Variants in KDM4A observed in about 807,000 individuals in gnomAD.
KDM4A encodes lysine demethylase 4A.
Under a neutral mutation model 127.1 loss-of-function variants are expected in KDM4A, and 23 were observed. The ratio of observed to expected loss-of-function variants is 0.18; its 90% confidence interval spans 0.13 to 0.26. The LOEUF is 0.26. Ranked by LOEUF, KDM4A falls within the 10% of genes least tolerant of loss-of-function variation. The pLI is 1.00. For synonymous variants in KDM4A, 443 were observed against 466.5 expected (o/e 0.95, Z 0.65); for missense variants, 890 against 1,329.1 (o/e 0.67, Z 5.14).
intron 7 of KDM4A, 136 bp downstream of exon 7, chr1:43,666,691 G>C (rs1660508037): frequency 1.3e-6 from 1 of 757,256 alleles, no homozygotes; most frequent in Non-Finnish European, 2.2e-6. Flanking sequence ...TTTGATCTAA[G>C]AGCATTAAAG....
intron 12 of KDM4A, among the ~76,000 whole-genome samples, chr1:43,687,324 C>T (rs1661010274): frequency 6.6e-6 from 1 of 152,188 alleles, no homozygotes; most frequent in South Asian, 2.1e-4. Flanking sequence ...AAACAGGCAC[C>T]TAATGGAAGT....
At chr1:43,679,645 T>A (rs1394323348) in intron 11 of KDM4A, among the ~76,000 whole-genome samples, 3 of 152,202 alleles carry the variant, frequency 2.0e-5, no homozygotes, top group African/African-American at 7.2e-5. Context: ...AAAAGCACCC[T>A]GGCTGGCTGA....
At position 43,704,302 on chromosome 1, in the gene KDM4A, C is replaced by T. The variant is rs1661488370; in HGVS notation, c.3127C>T (p.Arg1043Ter). 2 of 1,613,974 alleles carry T rather than the reference C, an allele frequency of 1.2e-6. No individual in the cohort carries two copies. Among genetic ancestry groups the T allele is most frequent in the Non-Finnish European group, 1.7e-6 (2 of 1,179,986 alleles). The change falls in exon 22 of 22, where the codon CGA (arginine) becomes TGA (stop). Residue 1043 changes from arginine (R) to a stop codon, truncating the protein, a stop_gained. Coordinates refer to ENST00000372396, the MANE Select transcript of KDM4A (RefSeq NM_014663.3). LOFTEE classifies it high-confidence loss of function. ...KEVKQEKKRQ[R>*]VINSRYREDY... ...GGTTAAGCAAGAAAAGAAACGGCAA[C>T]GAGTTATCAACTCAAGATACCGGGA...
At chr1:43,683,591 C>T in intron 11 of KDM4A, 93 bp from the exon 12 acceptor site, 1 of 1,411,246 alleles carries the variant, frequency 7.1e-7, no homozygotes, top group Non-Finnish European at 9.7e-7. Flanking sequence ...TTTCTCTGTG[C>T]CCCTCTCTTT....
In KDM4A at chr1:43,701,903, T is replaced by C. The variant is rs574121214; in HGVS notation, c.2842-1714T>C. Among the ~76,000 whole-genome samples the C allele has an allele frequency of 4.6e-5, 7 of 152,346 alleles. No homozygotes were observed. The South Asian group carries it at 1.2e-3, about 27-fold the overall frequency. On this transcript the variant is annotated intron_variant, in intron 19 of 21. Transcript: ENST00000372396. ...CAACCAAAAGTGTCTTATGAGGACT[T>C]AACACATGTACTCAATGATTAAGAT...
chr1:43,691,365 C>T, intron 14 of KDM4A, 131 bp from the exon 15 acceptor site: 6 of 829,018 alleles, frequency 7.2e-6, no homozygotes, highest in Non-Finnish European at 1.2e-5. Flanking sequence ...GGGACTCAGA[C>T]TAAAGAAAAC....
chr1:43,699,775 A>G (rs1481798279), intron 19 of KDM4A: 1 of 144,398 alleles, frequency 6.9e-6, no homozygotes, highest in Non-Finnish European at 1.5e-5. Flanking sequence ...AGGCTGGAGT[A>G]CGGGAGTACG....
Position 43,704,640 on chromosome 1 carries a change from T to TA in KDM4A, c.*271dup. The TA allele has an allele frequency of 2.2e-6, 1 of 453,192 alleles. No individual in the cohort carries two copies. The highest frequency in any genetic ancestry group is 4.0e-6 in the Non-Finnish European group (1 of 252,264). 28.1% of individuals were successfully genotyped at this position (453,192 alleles called of 1,614,324 possible). A position where few individuals can be genotyped will look rare whatever the true frequency, so the allele number is the denominator to read the frequency against. ...CTGTGGCTGCACTGGCCCCAGTCCA[T>TA]AGAGGGGTCAACTATGCTGGCTGGA... On this transcript the variant is annotated 3_prime_UTR_variant, in exon 22 of 22. Coordinates refer to ENST00000372396, the MANE Select transcript of KDM4A (RefSeq NM_014663.3).
chr1:43,686,477 C>T (rs1270605775), intron 12 of KDM4A, among the ~76,000 whole-genome samples: 2 of 152,016 alleles, frequency 1.3e-5, no homozygotes, highest in Non-Finnish European at 2.9e-5. Context: ...GCTAGGATTA[C>T]AGGTGTGTGC....
intron 3 of KDM4A, among the ~76,000 whole-genome samples, chr1:43,656,758 G>A (rs952425052): frequency 2.1e-5 from 3 of 144,404 alleles, no homozygotes; most frequent in South Asian, 2.2e-4. Flanking sequence ...GTGGAGTCTC[G>A]CTCGTTCCCC....
Position 43,694,008 on chromosome 1 carries a change from C to T in KDM4A, c.2390C>T (p.Ser797Leu). ...CCTTTTGGCAGGTGGGTCCACGTTTCATGTGCTGTGGCAATTCTGGAAGCA... is the reference window on the plus strand; with the variant it reads ...CCTTTTGGCAGGTGGGTCCACGTTTTATGTGCTGTGGCAATTCTGGAAGCA... Reference protein sequence around the residue: ...RANDDRWVHVSCAVAILEARF... With the variant: ...RANDDRWVHVLCAVAILEARF... Residue 797 changes from serine (S) to leucine (L), a missense_variant, in exon 17 of 22, where the codon TCA becomes TTA. Physicochemically the swap from Ser to Leu is moderately radical, Grantham distance 145. Around this residue, in one of 7 missense-constraint regions of KDM4A, gnomAD observed 246 missense variants for 418.4 expected, o/e 0.59. Coordinates refer to ENST00000372396, the MANE Select transcript of KDM4A (RefSeq NM_014663.3). This position sits in a 1 kb window ranked among gnomAD's most constrained non-coding sequence, Gnocchi z 5.2. 1 of 1,614,218 alleles carries T rather than the reference C, an allele frequency of 6.2e-7. No individual in the cohort carries two copies. The highest frequency in any genetic ancestry group is 8.5e-7 in the Non-Finnish European group (1 of 1,180,022).
intron 3 of KDM4A, among the ~76,000 whole-genome samples, chr1:43,658,953 AAG>A (rs1660310251): frequency 6.6e-6 from 1 of 151,720 alleles, no homozygotes; most frequent in African/African-American, 2.4e-5. Flanking sequence ...TTGAATCTAA[AAG>A]AAGTTTTTTT....
At chr1:43,682,595 A>G (rs1250325326) in intron 11 of KDM4A, among the ~76,000 whole-genome samples, 1 of 152,216 alleles carries the variant, frequency 6.6e-6, no homozygotes, top group Non-Finnish European at 1.5e-5. Flanking sequence ...GCCTTTGCAC[A>G]CAGTAGGTGC....
At chr1:43,653,999 G>A (rs1326367263) in intron 2 of KDM4A, among the ~76,000 whole-genome samples, 2 of 152,174 alleles carry the variant, frequency 1.3e-5, no homozygotes, top group African/African-American at 4.8e-5. Context: ...ATATGTGCTT[G>A]TTACATTTTC....
At chr1:43,669,334 A>T in intron 10 of KDM4A, 35 bp downstream of exon 10, 1 of 1,594,128 alleles carries the variant, frequency 6.3e-7, no homozygotes, top group Non-Finnish European at 8.6e-7. Context: ...CACAACCCTA[A>T]CTCATATATG....
intron 5 of KDM4A, among the ~76,000 whole-genome samples, chr1:43,664,158 C>T (rs147467439): frequency 5.6e-4 from 86 of 152,234 alleles, no homozygotes; most frequent in African/African-American, 2.0e-3. Context: ...ACAAGTGAGA[C>T]CTAAAACATG....
chr1:43,704,506 A>T lies in KDM4A; in HGVS notation c.*136A>T. The T allele has an allele frequency of 1.1e-6, 1 of 949,382 alleles. No homozygotes were observed. The highest frequency in any genetic ancestry group is 1.6e-6 in the Non-Finnish European group (1 of 632,626). The allele number at this position is 949,382 out of a possible 1,614,324, so 58.8% of individuals were successfully genotyped here. ...AAAGGAATGAAATAACCGACCCATCATCTTCTCACCCACCCTCATTGCATT... is the reference window on the plus strand; with the variant it reads ...AAAGGAATGAAATAACCGACCCATCTTCTTCTCACCCACCCTCATTGCATT... On this transcript the variant is annotated 3_prime_UTR_variant, in exon 22 of 22. Transcript: ENST00000372396.
intron 2 of KDM4A, 103 bp downstream of exon 2, chr1:43,653,416 G>A: frequency 8.3e-7 from 1 of 1,202,564 alleles, no homozygotes; most frequent in Non-Finnish European, 1.2e-6. Flanking sequence ...AAAGTTGGGT[G>A]GGGTGATGAC....
At chr1:43,696,400 G>A (rs994124608) in intron 18 of KDM4A, among the ~76,000 whole-genome samples, 5 of 152,238 alleles carry the variant, frequency 3.3e-5, no homozygotes, top group Non-Finnish European at 5.9e-5. Context: ...GGAAGAACGT[G>A]ATAGATGGCC....
Sources: gnomAD v4.1 joint callset for allele counts (sites outside exome capture counted in the v4.1 genomes callset) on GRCh38, gnomAD v4.1.1 for gene constraint, gnomAD v4.1.1 regional missense constraint, Gnocchi (gnomAD v3.1) non-coding constraint, MANE v1.5 for transcripts, NCBI Gene and HGNC (gene_info 2026-07-23, HGNC 2026-07-21) for gene names.